KCNU1: variants seen among roughly 807,000 people sequenced by gnomAD.
KCNU1 encodes the protein potassium calcium-activated channel subfamily U member 1.
In KCNU1, 93 loss-of-function variants were observed where a neutral mutation model predicts 126.8. The observed-to-expected ratio is 0.73, with a 90% CI of 0.62 to 0.87. The LOEUF (loss-of-function observed/expected upper bound fraction) is 0.87. Ranked by LOEUF, KCNU1 falls within the 40% of genes least tolerant of loss-of-function variation. The pLI is 0.00. For missense variants in KCNU1, 1,330 were observed against 1,367.1 expected, an observed-to-expected ratio of 0.97 and a Z score of 0.43; for synonymous variants, 523 against 494.2, an observed-to-expected ratio of 1.06 and a Z score of -0.77.
intron 16 of KCNU1, among the ~76,000 whole-genome samples, chr8:36,845,342 G>A (rs1805103827): frequency 1.3e-5 from 2 of 152,208 alleles, no homozygotes; most frequent in Non-Finnish European, 2.9e-5. Flanking sequence ...CAGGTCCGCT[G>A]TGTGTTCAGC....
At chr8:36,922,373 C>A (rs1336036102) in intron 23 of KCNU1, 117 bp from the exon 24 acceptor site, 1 of 1,115,150 alleles carries the variant, frequency 9.0e-7, no homozygotes, top group South Asian at 1.6e-5. Flanking sequence ...CCACAGAGAC[C>A]CCAAAGTAGA....
intron 10 of KCNU1, among the ~76,000 whole-genome samples, chr8:36,821,098 A>G (rs1804107488): frequency 6.6e-6 from 1 of 152,196 alleles, no homozygotes; most frequent in Non-Finnish European, 1.5e-5. Flanking sequence ...AAAAAAAGAA[A>G]TGCTTCTGAG....
rs933325600 is a variant in KCNU1 at position 36,908,963 on chromosome 8, A to C, written c.2107-348A>C. ...ACTGAATTTTACTATGGCACATACA[A>C]GGCTAAAAATGTGAAATAAAAATCA... On this transcript the variant is annotated intron_variant, in intron 20 of 26. Transcript: ENST00000399881. Among the ~76,000 whole-genome samples, 4 of 152,196 alleles carry C rather than the reference A, an allele frequency of 2.6e-5. No individual in the cohort carries two copies. The East Asian group carries it at 7.7e-4, about 29-fold the overall frequency.
intron 19 of KCNU1, among the ~76,000 whole-genome samples, chr8:36,894,779 AT>A (rs1158340718): frequency 2.6e-5 from 4 of 152,178 alleles, no homozygotes; most frequent in Non-Finnish European, 5.9e-5. Flanking sequence ...GCTAAGATGT[AT>A]TACAGATGAT....
In KCNU1 at chr8:36,833,648, A is replaced by G; in HGVS notation, c.1201A>G (p.Arg401Gly). Reference sequence around the variant, plus strand: ...ATCTGCAATGAAGTGGGAGGATCTGAGGCGAGTTGCGGTAAGATCTAGCTG... The same window carrying G: ...ATCTGCAATGAAGTGGGAGGATCTGGGGCGAGTTGCGGTAAGATCTAGCTG... ...SGSAMKWEDL[R>G]RVAVESAEAC... Residue 401 changes from arginine to glycine, a missense_variant, in exon 11 of 27, where the codon AGG becomes GGG. Physicochemically the swap from Arg to Gly is moderately radical, Grantham distance 125 (BLOSUM62 -2). Coordinates refer to ENST00000399881, the MANE Select transcript of KCNU1 (RefSeq NM_001031836.3). 1 of 1,605,602 alleles carries G rather than the reference A, an allele frequency of 6.2e-7. No homozygotes were observed. Among genetic ancestry groups the G allele is most frequent in the Non-Finnish European group, 8.5e-7 (1 of 1,172,656 alleles).
intron 4 of KCNU1, 113 bp downstream of exon 4, chr8:36,805,398 G>A (rs1227909893): frequency 1.5e-6 from 1 of 663,462 alleles, no homozygotes; most frequent in Non-Finnish European, 2.7e-6. Context: ...TCTAAAGATA[G>A]CTAATCTGTG....
At chr8:36,824,244 G>A (rs1477128622) in intron 10 of KCNU1, among the ~76,000 whole-genome samples, 1 of 152,146 alleles carries the variant, frequency 6.6e-6, no homozygotes, top group Non-Finnish European at 1.5e-5. Flanking sequence ...AAGAAATAAA[G>A]TAGTGCCTCC....
At chr8:36,934,630 A>G (rs1808800751) in intron 26 of KCNU1, among the ~76,000 whole-genome samples, 1 of 152,174 alleles carries the variant, frequency 6.6e-6, no homozygotes, top group African/African-American at 2.4e-5. Context: ...TAAAAATAGA[A>G]TTGAGGCTAC....
chr8:36,935,779 G>T lies in KCNU1; in HGVS notation c.3309G>T (p.Lys1103Asn), dbSNP rs776352982. ...QPRTNSLSFP[K>N]QIAWNQSRTN... ...GAACTAACTCCCTCTCTTTTCCTAA[G>T]CAAATAGCATGGAATCAGAGTAGAA... is the stretch of plus-strand genomic sequence containing the variant. Residue 1103 changes from lysine (K) to asparagine (N), a missense_variant, in exon 27 of 27, where the codon AAG becomes AAT. Around this residue, in one of 3 missense-constraint regions of KCNU1, gnomAD observed 1,054 missense variants for 1,053.9 expected, o/e 1.00. Transcript: ENST00000399881. 6.2e-7 allele frequency: 1 copy of T among 1,613,286 alleles called. No individual in the cohort carries two copies. Among genetic ancestry groups the T allele is most frequent in the Non-Finnish European group, 8.5e-7 (1 of 1,179,526 alleles).
At chr8:36,905,228 A>C (rs1185735599) in intron 19 of KCNU1, among the ~76,000 whole-genome samples, 1 of 152,134 alleles carries the variant, frequency 6.6e-6, no homozygotes, top group African/African-American at 2.4e-5. Context: ...AGTATTTACT[A>C]AATCAGGATG....
chr8:36,835,803 A>G (rs10112113), intron 12 of KCNU1, among the ~76,000 whole-genome samples: 1,557 of 152,344 alleles, frequency 0.01, 22 homozygotes, highest in African/African-American at 0.036. Context: ...ATAAACACAG[A>G]TAGCTGAAGG....
Position 36,806,278 on chromosome 8 carries a change from G to C in KCNU1, c.478G>C (p.Ala160Pro), listed in dbSNP as rs1803499171. Residue 160 changes from alanine to proline, a missense_variant, in exon 5 of 27, where the codon GCT becomes CCT. By Grantham distance (27) the Ala-to-Pro change is conservative. Coordinates refer to ENST00000399881, the MANE Select transcript of KCNU1 (RefSeq NM_001031836.3). ...SFYFGLRFMA[A>P]DDKIKFWLEM... is the part of the protein sequence containing the mutation. ...TGTTTCTATTTCATAGTTTATGGCA[G>C]CTGATGACAAGATCAAGTTCTGGCT... 1 of 1,605,700 alleles carries C rather than the reference G, an allele frequency of 6.2e-7. No homozygotes were observed. Among genetic ancestry groups the C allele is most frequent in the Non-Finnish European group, 8.5e-7 (1 of 1,174,994 alleles).
In KCNU1 at chr8:36,827,385, C is replaced by A. The variant is rs530062302; in HGVS notation, c.1107-6169C>A. ...TTCATTTTGTATGTCAGGGGAACTG[C>A]ACTTTTTTGTCCTTTGACTTGTGTG... On this transcript the variant is annotated intron_variant, in intron 10 of 26. Transcript: ENST00000399881. Among the ~76,000 whole-genome samples, 6 of 152,280 alleles carry A rather than the reference C, an allele frequency of 3.9e-5. No individual in the cohort carries two copies. The South Asian group carries it at 1.0e-3, about 26-fold the overall frequency.
At position 36,912,843 on chromosome 8, in the gene KCNU1, C is replaced by T. The variant is rs921103434; in HGVS notation, c.2521+1724C>T. Among the ~76,000 whole-genome samples, 6 of 150,704 alleles carry T rather than the reference C, an allele frequency of 4.0e-5. No individual in the cohort carries two copies. In the Admixed American group the frequency reaches 4.0e-4, roughly 10 times the overall value. ...ATTAGCTTGGTGTGGTGGCGCACGCCTGTAATCCCAGCTACTCGGGAGGCT... is the reference window on the plus strand; with the variant it reads ...ATTAGCTTGGTGTGGTGGCGCACGCTTGTAATCCCAGCTACTCGGGAGGCT... On this transcript the variant is annotated intron_variant, in intron 22 of 26. Transcript: ENST00000399881.
At chr8:36,789,014 G>C (rs1184923833) in intron 2 of KCNU1, among the ~76,000 whole-genome samples, 1 of 152,174 alleles carries the variant, frequency 6.6e-6, no homozygotes, top group East Asian at 1.9e-4. Flanking sequence ...AACAGCTGGT[G>C]ATTAGCTAGT....
intron 7 of KCNU1, among the ~76,000 whole-genome samples, chr8:36,809,312 T>A (rs1194640268): frequency 6.6e-6 from 1 of 152,076 alleles, no homozygotes; most frequent in Non-Finnish European, 1.5e-5. Context: ...AGGAAATGGA[T>A]CTCAGCTATA....
At chr8:36,857,632 G>GTT (rs55864395) in intron 18 of KCNU1, among the ~76,000 whole-genome samples, 28 of 151,836 alleles carry the variant, frequency 1.8e-4, no homozygotes, top group South Asian at 8.3e-4. Context: ...TTTGTTTTTT[G>GTT]TTTTTTTGTT....
Position 36,909,471 on chromosome 8 carries a change from C to G in KCNU1, c.2267C>G (p.Ser756Cys). 1 of 1,613,452 alleles carries G rather than the reference C, an allele frequency of 6.2e-7. No individual in the cohort carries two copies. The highest frequency in any genetic ancestry group is 2.2e-5 in the East Asian group (1 of 44,870). The change falls in exon 21 of 27, where the codon TCT (serine) becomes TGT (cysteine). Residue 756 changes from serine to cysteine, a missense_variant. By Grantham distance (112) the Ser-to-Cys change is moderately radical. Transcript: ENST00000399881. The stretch of plus-strand genomic sequence containing the variant: ...CTGAAGGACATAGTGTTCATTGGGT[C>G]TCTGGACTATCTACAGAGAGAATGG... Reference protein sequence around the residue: ...KELKDIVFIGSLDYLQREWRF... With the variant: ...KELKDIVFIGCLDYLQREWRF...
At chr8:36,902,249 G>T (rs146377923) in intron 19 of KCNU1, among the ~76,000 whole-genome samples, 63 of 152,176 alleles carry the variant, frequency 4.1e-4, no homozygotes, top group African/African-American at 1.3e-3. Context: ...GAAAAATGTT[G>T]TCTGTGACAG....
Sources: gnomAD v4.1 joint callset for allele counts (sites outside exome capture counted in the v4.1 genomes callset) on GRCh38, gnomAD v4.1.1 for gene constraint, gnomAD v4.1.1 regional missense constraint, MANE v1.5 for transcripts, NCBI Gene and HGNC (gene_info 2026-07-23, HGNC 2026-07-21) for gene names.